Variants in TNFAIP8 observed in about 807,000 individuals in gnomAD.
The protein encoded by TNFAIP8 is TNF alpha induced protein 8, also known as tumor necrosis factor alpha-induced protein 8.
A neutral mutation model predicts 13.3 loss-of-function variants in TNFAIP8; 7 were observed. That is an observed-to-expected ratio of 0.52 (90% CI 0.30 to 0.99). TNFAIP8 has a LOEUF of 0.99. TNFAIP8 is among the 50% of genes least tolerant of loss of function. TNFAIP8 has a pLI of 0.07. For missense variants in TNFAIP8, 258 were observed against 236.9 expected (o/e 1.09, Z -0.58); for synonymous variants, 94 against 87.6 (o/e 1.07, Z -0.41).
chr5:119,321,513 C>T (rs1750055086), intron 1 of TNFAIP8, among the ~76,000 whole-genome samples: 1 of 152,146 alleles, frequency 6.6e-6, no homozygotes, highest in Non-Finnish European at 1.5e-5. Flanking sequence ...ATCTTGATTG[C>T]ATGCCCTTTA....
chr5:119,294,212 A>G (rs1262123951), intron 1 of TNFAIP8, among the ~76,000 whole-genome samples: 13 of 118,050 alleles, frequency 1.1e-4, no homozygotes, highest in African/African-American at 3.9e-4. Context: ...CCAACCCACA[A>G]CAGTCCCCAG....
chr5:119,339,477 T>C (rs1208190755), intron 1 of TNFAIP8, among the ~76,000 whole-genome samples: 5 of 151,266 alleles, frequency 3.3e-5, no homozygotes, highest in African/African-American at 1.2e-4. Flanking sequence ...TTTTTTTTTT[T>C]TTTAAACTGA....
chr5:119,292,671 TATATATATATATATACACACACACAC>T lies in TNFAIP8; in HGVS notation c.1+23766_1+23791del, dbSNP rs1214666155. ...ATATATATATATATATATATATATA[TATATATATATATATACACACACACAC>T]AATGAAATACTATTTAGCAATAAAA... On this transcript the variant is annotated intron_variant, in intron 1 of 1. Transcript: ENST00000274456. Among the ~76,000 whole-genome samples the T allele has an allele frequency of 1.9e-4, 7 of 37,756 alleles. No individual in the cohort carries two copies. In the South Asian group the frequency reaches 2.6e-3, roughly 14 times the overall value. The allele number at this position is 37,756 out of a possible 152,430, so 24.8% of individuals were successfully genotyped here. A position where few individuals can be genotyped will look rare whatever the true frequency, so the allele number is the denominator to read the frequency against.
At chr5:119,289,906 A>T (rs1748929697) in intron 1 of TNFAIP8, among the ~76,000 whole-genome samples, 1 of 152,236 alleles carries the variant, frequency 6.6e-6, no homozygotes, top group Non-Finnish European at 1.5e-5. Flanking sequence ...CTTAAAGTTA[A>T]AAATAAATTA....
intron 1 of TNFAIP8, among the ~76,000 whole-genome samples, chr5:119,273,615 C>A (rs549453391): frequency 6.6e-6 from 1 of 152,168 alleles, no homozygotes; most frequent in South Asian, 2.1e-4. Flanking sequence ...TTCAAAAGAC[C>A]TATTACAGTT....
rs974861838 is a variant in TNFAIP8 at position 119,277,117 on chromosome 5, A to G, written c.1+8210A>G. Among the ~76,000 whole-genome samples, 74 of 152,174 alleles carry G rather than the reference A, an allele frequency of 4.9e-4. 1 individual carries two copies. The highest frequency in any genetic ancestry group is 1.8e-3 in the African/African-American group (73 of 41,434). On this transcript the variant is annotated intron_variant, in intron 1 of 1. Coordinates refer to the TNFAIP8 transcript ENST00000274456. ...TTCTGTCTTCACTTTCTCTCAAAATATCTTGTATACTGCACTCACCTGTTT... is the reference window on the plus strand; with the variant it reads ...TTCTGTCTTCACTTTCTCTCAAAATGTCTTGTATACTGCACTCACCTGTTT...
At chr5:119,310,794 T>C (rs1213056390) in intron 1 of TNFAIP8, among the ~76,000 whole-genome samples, 1 of 152,104 alleles carries the variant, frequency 6.6e-6, no homozygotes, top group Non-Finnish European at 1.5e-5. Context: ...GCCACTGCAC[T>C]CCAGCTTGGG....
upstream of TNFAIP8, among the ~76,000 whole-genome samples, chr5:119,351,870 A>G (rs1157588618): frequency 6.8e-6 from 1 of 146,830 alleles, no homozygotes; most frequent in African/African-American, 2.6e-5. Context: ...GCTTGCTGCA[A>G]CCTCCACCTC....
intron 1 of TNFAIP8, among the ~76,000 whole-genome samples, chr5:119,332,433 G>A (rs1363900670): frequency 6.6e-6 from 1 of 152,150 alleles, no homozygotes; most frequent in Non-Finnish European, 1.5e-5. Flanking sequence ...ACCAGACCTT[G>A]GAGAGTTTGT....
Position 119,392,825 on chromosome 5 carries a change from A to G in TNFAIP8, c.41A>G (p.Asp14Gly), listed in dbSNP as rs1752946583. The G allele has an allele frequency of 1.3e-6, 2 of 1,535,320 alleles. No homozygotes were observed. Among genetic ancestry groups the G allele is most frequent in the South Asian group, 2.4e-5 (2 of 82,178 alleles). ...CTTTTTTTTTTTTTAGTGGCCACAG[A>G]TGTCTTTAATTCCAAAAACCTGGCC... ...EAEESKEVAT[D>G]VFNSKNLAVQ... The change falls in exon 2 of 2, where the codon GAT becomes GGT. Residue 14 changes from aspartate to glycine, a missense_variant. By Grantham distance (94) the Asp-to-Gly change is moderately conservative (BLOSUM62 -1). Coordinates refer to ENST00000504771, the MANE Select transcript of TNFAIP8 (RefSeq NM_014350.4).
chr5:119,279,514 T>C (rs776748017), intron 1 of TNFAIP8, among the ~76,000 whole-genome samples: 3 of 152,230 alleles, frequency 2.0e-5, no homozygotes, highest in Non-Finnish European at 4.4e-5. Flanking sequence ...GCCCGACTGT[T>C]CATTGCAATT....
At chr5:119,364,841 G>GTTTTTTTTTTTTTTTT (rs10714712) in intron 1 of TNFAIP8, among the ~76,000 whole-genome samples, 4 of 88,698 alleles carry the variant, frequency 4.5e-5, no homozygotes, top group African/African-American at 1.9e-4. Flanking sequence ...TTTCTTTTCA[G>GTTTTTTTTTTTTTTTT]TTTTTTTTTT....
intron 1 of TNFAIP8, among the ~76,000 whole-genome samples, chr5:119,359,069 C>T (rs1194379793): frequency 6.6e-6 from 1 of 152,198 alleles, no homozygotes; most frequent in Non-Finnish European, 1.5e-5. Flanking sequence ...TGTTCCCAGA[C>T]TGACAGACTC....
upstream of TNFAIP8, among the ~76,000 whole-genome samples, chr5:119,351,497 T>C (rs1314281603): frequency 6.6e-6 from 1 of 152,340 alleles, no homozygotes; most frequent in East Asian, 1.9e-4. Context: ...TTAGCCTAAC[T>C]GTAGGCTAAT....
At chr5:119,308,854 CAAAAA>C (rs61628819) in intron 1 of TNFAIP8, among the ~76,000 whole-genome samples, 1 of 58,120 alleles carries the variant, frequency 1.7e-5, no homozygotes, top group African/African-American at 4.2e-5. Context: ...GACTCCATCT[CAAAAA>C]AAAAAAAAAA....
Position 119,372,322 on chromosome 5 carries a change from C to CA in TNFAIP8, c.31+16218dup, listed in dbSNP as rs67551765. Reference sequence around the variant, plus strand: ...TTAGCAACAGAGTGAGACCCTGTCTCAAAAAAAAAAAAAAAAAGAATACTA... The same window carrying CA: ...TTAGCAACAGAGTGAGACCCTGTCTCAAAAAAAAAAAAAAAAAAGAATACTA... On this transcript the variant is annotated intron_variant, in intron 1 of 1. Transcript: ENST00000504771. Among the ~76,000 whole-genome samples the CA allele has an allele frequency of 0.043, 4,869 of 112,058 alleles. 472 individuals carry two copies. In the East Asian group the frequency reaches 0.47, roughly 11 times the overall value. 73.5% of individuals were successfully genotyped at this position (112,058 alleles called of 152,430 possible).
chr5:119,391,952 C>A (rs1752909712), intron 1 of TNFAIP8, among the ~76,000 whole-genome samples: 1 of 152,180 alleles, frequency 6.6e-6, no homozygotes, highest in Non-Finnish European at 1.5e-5. Flanking sequence ...TTGTAAACAT[C>A]TGTCAGAAGT....
intron 1 of TNFAIP8, among the ~76,000 whole-genome samples, chr5:119,291,649 A>G (rs1158225230): frequency 6.6e-6 from 1 of 152,242 alleles, no homozygotes; most frequent in Non-Finnish European, 1.5e-5. Flanking sequence ...TCTTTCATGC[A>G]TATGTTTATG....
At chr5:119,287,967 G>A (rs1390314773) in intron 1 of TNFAIP8, among the ~76,000 whole-genome samples, 1 of 152,130 alleles carries the variant, frequency 6.6e-6, no homozygotes, top group East Asian at 1.9e-4. Flanking sequence ...CACCTTGTAC[G>A]TGAGTAATTG....
Sources: allele counts gnomAD v4.1 joint callset (sites outside exome capture counted in the v4.1 genomes callset), GRCh38; gene constraint gnomAD v4.1.1; transcripts MANE v1.5; gene names NCBI Gene and HGNC (gene_info 2026-07-23, HGNC 2026-07-21).